PRDM16: variants seen among roughly 807,000 people sequenced by gnomAD.
PRDM16 encodes histone-lysine N-methyltransferase PRDM16.
PRDM16 carries 23 observed loss-of-function variants against 110.6 expected under a neutral mutation model. The observed-to-expected ratio is 0.21, with a 90% CI of 0.15 to 0.29. The LOEUF (loss-of-function observed/expected upper bound fraction) is 0.29. Among genes scored for constraint, PRDM16 ranks in the 10% least tolerant of loss-of-function variants. The pLI, the probability that PRDM16 is intolerant of heterozygous loss-of-function variation, is 1.00. For synonymous variants in PRDM16, 799 were observed against 781.8 expected, an observed-to-expected ratio of 1.02 and a Z score of -0.37; for missense variants, 1,615 against 1,794.3, an observed-to-expected ratio of 0.90 and a Z score of 1.81.
chr1:3,113,929 ATTTTTTTCT>A (rs999634609), intron 1 of PRDM16, among the ~76,000 whole-genome samples: 13 of 152,132 alleles, frequency 8.5e-5, no homozygotes, highest in African/African-American at 2.9e-4. Flanking sequence ...TTGAGGGAGA[ATTTTTTTCT>A]TTTTTTTCTC....
chr1:3,357,413 C>G (rs975578222), intron 3 of PRDM16, among the ~76,000 whole-genome samples: 1 of 151,192 alleles, frequency 6.6e-6, no homozygotes, highest in Admixed American at 6.6e-5. Context: ...GTCTCCAGCT[C>G]CAGCCGTGGG....
intron 1 of PRDM16, among the ~76,000 whole-genome samples, chr1:3,092,596 C>T (rs925508918): frequency 1.3e-5 from 2 of 152,246 alleles, no homozygotes. Flanking sequence ...GGGAGGCACA[C>T]ACTGCATCCC....
At chr1:3,346,329 C>T (rs1004372220) in intron 3 of PRDM16, among the ~76,000 whole-genome samples, 1 of 152,124 alleles carries the variant, frequency 6.6e-6, no homozygotes, top group African/African-American at 2.4e-5. Flanking sequence ...GGCTTGGGGG[C>T]TTCCAGTGGA....
intron 8 of PRDM16, among the ~76,000 whole-genome samples, chr1:3,407,901 T>A (rs1643589587): frequency 2.0e-5 from 3 of 152,224 alleles, no homozygotes; most frequent in Non-Finnish European, 2.9e-5. Flanking sequence ...GGCTTTTTGC[T>A]AAGGGGATAA....
At chr1:3,070,285 G>A (rs1386795289) in intron 1 of PRDM16, among the ~76,000 whole-genome samples, 1 of 149,752 alleles carries the variant, frequency 6.7e-6, no homozygotes, top group Non-Finnish European at 1.5e-5. Flanking sequence ...GGTCCTTGCC[G>A]CGGGCCGGGT....
At chr1:3,349,698 A>G (rs900552866) in intron 3 of PRDM16, among the ~76,000 whole-genome samples, 4 of 151,942 alleles carry the variant, frequency 2.6e-5, no homozygotes, top group Non-Finnish European at 2.9e-5. Flanking sequence ...TCCCACTCCA[A>G]TGCACCCCGG....
At chr1:3,153,270 A>T (rs1234221660) in intron 1 of PRDM16, among the ~76,000 whole-genome samples, 1 of 152,214 alleles carries the variant, frequency 6.6e-6, no homozygotes, top group African/African-American at 2.4e-5. Context: ...GGTCTGGGCC[A>T]GGCAGGTGAG....
At chr1:3,283,806 C>G (rs991600799) in intron 3 of PRDM16, among the ~76,000 whole-genome samples, 8 of 152,240 alleles carry the variant, frequency 5.3e-5, no homozygotes, top group African/African-American at 1.9e-4. Context: ...CATCTTCCAG[C>G]AAAGCCGGCT....
chr1:3,359,511 T>C lies in PRDM16; in HGVS notation c.439-25641T>C, dbSNP rs1642673475. The stretch of plus-strand genomic sequence containing the variant: ...AGAATTGCGGCCCGGGAGCAGTGGC[T>C]GCAGCCTCCCGAGGTGAGCCTGTCT... On this transcript the variant is annotated intron_variant, in intron 3 of 16. Coordinates refer to ENST00000270722, the MANE Select transcript of PRDM16 (RefSeq NM_022114.4). This position sits in a 1 kb window ranked among gnomAD's most constrained non-coding sequence, Gnocchi z 4.3. Among the ~76,000 whole-genome samples, 1 of 152,034 alleles carries C rather than the reference T, an allele frequency of 6.6e-6. No homozygotes were observed. The highest frequency in any genetic ancestry group is 2.4e-5 in the African/African-American group (1 of 41,390).
chr1:3,259,915 A>T (rs1569943731), intron 3 of PRDM16, among the ~76,000 whole-genome samples: 1 of 152,056 alleles, frequency 6.6e-6, no homozygotes, highest in South Asian at 2.1e-4. Flanking sequence ...CTTACAGGGC[A>T]CCCAGGATCT....
intron 2 of PRDM16, among the ~76,000 whole-genome samples, chr1:3,239,866 C>A (rs1271783969): frequency 6.6e-6 from 1 of 151,900 alleles, no homozygotes; most frequent in African/African-American, 2.4e-5. Flanking sequence ...GGGAGGATCA[C>A]CTGAGCCCAG....
chr1:3,263,280 G>A (rs542881854), intron 3 of PRDM16, among the ~76,000 whole-genome samples: 7 of 152,266 alleles, frequency 4.6e-5, no homozygotes, highest in East Asian at 1.9e-4. Context: ...TCCCCGCCCC[G>A]CCCGGCTTTG....
At chr1:3,282,552 G>A (rs1030380314) in intron 3 of PRDM16, among the ~76,000 whole-genome samples, 2 of 152,172 alleles carry the variant, frequency 1.3e-5, no homozygotes, top group Non-Finnish European at 2.9e-5. Context: ...CTCTCACCAC[G>A]ATTCAATCCA....
intron 1 of PRDM16, among the ~76,000 whole-genome samples, chr1:3,084,957 A>T (rs1277596975): frequency 1.3e-5 from 2 of 152,182 alleles, no homozygotes; most frequent in Admixed American, 1.3e-4. Context: ...ACCCTGCGGC[A>T]GGTGTTGCAG....
intron 2 of PRDM16, among the ~76,000 whole-genome samples, chr1:3,230,397 A>G (rs1275704325): frequency 6.6e-6 from 1 of 152,202 alleles, no homozygotes; most frequent in African/African-American, 2.4e-5. Flanking sequence ...CAAGAAGCTC[A>G]GTTAGCGCCG....
intron 3 of PRDM16, among the ~76,000 whole-genome samples, chr1:3,273,130 CA>C (rs1169458809): frequency 1.3e-5 from 2 of 152,192 alleles, no homozygotes; most frequent in Admixed American, 6.5e-5. Flanking sequence ...GGGAGGATCC[CA>C]GGGGCAGTGG....
In PRDM16 at chr1:3,121,596, C is replaced by T. The variant is rs139114906; in HGVS notation, c.37+52300C>T. Among the ~76,000 whole-genome samples the T allele has an allele frequency of 5.3e-5, 8 of 152,330 alleles. No homozygotes were observed. The East Asian group carries it at 9.7e-4, about 18-fold the overall frequency. On this transcript the variant is annotated intron_variant, in intron 1 of 16. Coordinates refer to ENST00000270722, the MANE Select transcript of PRDM16 (RefSeq NM_022114.4). ...TGGCCTGGAAGTGCGGGGCAAAGGG[C>T]GGTGGTGAGAAATGAATGGGCTTCC...
At position 3,208,444 on chromosome 1, in the gene PRDM16, G is replaced by A. The variant is rs1301727614; in HGVS notation, c.387+21970G>A. ...GCACTTTGGCAGGCCAAGGAGGGTGGATCACGAGGTCAGGAGTTCGAGATC... is the reference window on the plus strand; with the variant it reads ...GCACTTTGGCAGGCCAAGGAGGGTGAATCACGAGGTCAGGAGTTCGAGATC... On this transcript the variant is annotated intron_variant, in intron 2 of 16. Transcript: ENST00000270722. The surrounding 1 kb of genome is among the most constrained non-coding windows in gnomAD (Gnocchi z 6.1). 2.0e-5 allele frequency: 3 copies of A among 152,136 alleles called. No individual in the cohort carries two copies. Among genetic ancestry groups the A allele is most frequent in the Non-Finnish European group, 2.9e-5 (2 of 68,050 alleles). 9.4% of individuals were successfully genotyped at this position (152,136 alleles called of 1,614,324 possible). A position where few individuals can be genotyped will look rare whatever the true frequency, so the allele number is the denominator to read the frequency against.
At chr1:3,283,897 G>T (rs959894999) in intron 3 of PRDM16, among the ~76,000 whole-genome samples, 5 of 152,272 alleles carry the variant, frequency 3.3e-5, no homozygotes, top group Non-Finnish European at 5.9e-5. Context: ...AGGAGCCCAG[G>T]TGCCTCCGCG....
Sources: gnomAD v4.1 joint callset for allele counts (sites outside exome capture counted in the v4.1 genomes callset) on GRCh38, gnomAD v4.1.1 for gene constraint, Gnocchi (gnomAD v3.1) non-coding constraint, MANE v1.5 for transcripts, NCBI Gene and HGNC (gene_info 2026-07-23, HGNC 2026-07-21) for gene names.